Variants in PPFIA2 observed in about 807,000 individuals in gnomAD.
PPFIA2 encodes the protein liprin-alpha-2.
Under a neutral mutation model 175.5 loss-of-function variants are expected in PPFIA2, and 46 were observed. The observed-to-expected ratio is 0.26, with a 90% confidence interval of 0.21 to 0.34. The LOEUF (loss-of-function observed/expected upper bound fraction) is 0.34, where lower values mean the gene tolerates loss of function less well. PPFIA2 is among the 10% of genes least tolerant of loss of function. PPFIA2 has a pLI of 1.00. For missense variants in PPFIA2, 1,179 were observed against 1,506.1 expected, an observed-to-expected ratio of 0.78 and a Z score of 3.60; for synonymous variants, 568 against 511.4, an observed-to-expected ratio of 1.11 and a Z score of -1.49.
intron 15 of PPFIA2, among the ~76,000 whole-genome samples, chr12:81,360,828 T>C (rs2061481020): frequency 6.6e-6 from 1 of 151,768 alleles, no homozygotes; most frequent in Non-Finnish European, 1.5e-5. Flanking sequence ...TATAATACTT[T>C]ATACTTGTGA....
chr12:81,364,703 G>C (rs1463460103), intron 14 of PPFIA2, among the ~76,000 whole-genome samples: 1 of 151,872 alleles, frequency 6.6e-6, no homozygotes, highest in East Asian at 1.9e-4. Flanking sequence ...TTTGAGGCAA[G>C]AGAGTAATGG....
intron 4 of PPFIA2, among the ~76,000 whole-genome samples, chr12:81,591,029 C>G (rs1408866453): frequency 6.6e-6 from 1 of 152,084 alleles, no homozygotes; most frequent in Non-Finnish European, 1.5e-5. Context: ...TTGGAACTTC[C>G]TAGAGACTTA....
At chr12:81,446,978 A>T (rs1414831359) in intron 5 of PPFIA2, among the ~76,000 whole-genome samples, 1 of 152,058 alleles carries the variant, frequency 6.6e-6, no homozygotes, top group Non-Finnish European at 1.5e-5. Flanking sequence ...AACATGCATA[A>T]ATCAGTAGAT....
chr12:81,486,435 C>T (rs540617700), intron 4 of PPFIA2, among the ~76,000 whole-genome samples: 2 of 151,872 alleles, frequency 1.3e-5, no homozygotes, highest in Admixed American at 1.3e-4. Context: ...GATATTAACA[C>T]ATATAAAACA....
chr12:81,460,558 T>TA (rs1472787087), intron 4 of PPFIA2, among the ~76,000 whole-genome samples: 2 of 152,074 alleles, frequency 1.3e-5, no homozygotes, highest in African/African-American at 4.8e-5. Flanking sequence ...CAACAAGTGT[T>TA]AGACAAGTTT....
chr12:81,753,388 G>A (rs969373654), intron 3 of PPFIA2, among the ~76,000 whole-genome samples: 1 of 151,718 alleles, frequency 6.6e-6, no homozygotes, highest in Non-Finnish European at 1.5e-5. Flanking sequence ...TTAAGTTAGT[G>A]AGGCTTAACT....
intron 5 of PPFIA2, among the ~76,000 whole-genome samples, chr12:81,457,456 G>A (rs1293097263): frequency 6.6e-6 from 1 of 151,964 alleles, no homozygotes; most frequent in African/African-American, 2.4e-5. Flanking sequence ...ACAACCTTTT[G>A]AAAGTTTGAA....
At chr12:81,465,134 C>T (rs2055371225) in intron 4 of PPFIA2, 1 of 152,078 alleles carries the variant, frequency 6.6e-6, no homozygotes, top group Non-Finnish European at 1.5e-5. Context: ...ACAATGCATT[C>T]ATCTTGATTA....
Position 81,259,517 on chromosome 12 carries a change from A to G in PPFIA2, c.*177T>C. The G allele has an allele frequency of 1.1e-6, 1 of 918,460 alleles. No homozygotes were observed. The allele number at this position is 918,460 out of a possible 1,614,324, so 56.9% of individuals were successfully genotyped here. A position where few individuals can be genotyped will look rare whatever the true frequency, so the allele number is the denominator to read the frequency against. On this transcript the variant is annotated 3_prime_UTR_variant, in exon 33 of 33. Coordinates refer to ENST00000549396, the MANE Select transcript of PPFIA2 (RefSeq NM_003625.5). ...GTAAACTAATCAAATGTAATATCTG[A>G]CTCCCCCCAAAAATCACATTTTTCA...
rs1370707310 is a variant in PPFIA2 at position 81,487,039 on chromosome 12, G to T, written c.304-29173C>A. ...GCATATTTACATTTTGCAAAACACG[G>T]TGTGATTTCTGTCCTTAGAAAGTTT... On this transcript the variant is annotated intron_variant, in intron 4 of 32. Transcript: ENST00000549396. 5.9e-5 allele frequency among the ~76,000 whole-genome samples: 9 copies of T among 151,824 alleles called. No individual in the cohort carries two copies. In the South Asian group the frequency reaches 1.0e-3, roughly 18 times the overall value.
intron 27 of PPFIA2, among the ~76,000 whole-genome samples, chr12:81,277,772 A>G (rs1181834753): frequency 6.6e-6 from 1 of 152,156 alleles, no homozygotes; most frequent in Admixed American, 6.5e-5. Context: ...CCCATTATGG[A>G]GACAGTAAGG....
intron 4 of PPFIA2, among the ~76,000 whole-genome samples, chr12:81,521,622 C>A (rs901120578): frequency 2.7e-5 from 4 of 149,040 alleles, no homozygotes; most frequent in Non-Finnish European, 3.0e-5. Context: ...TCGAGACCAT[C>A]CTGGCTAACA....
Position 81,299,334 on chromosome 12 carries a change from C to G in PPFIA2, c.2691G>C (p.Gln897His). The stretch of plus-strand genomic sequence containing the variant: ...ATGCGACCACAGTTGGCCCATCCCA[C>G]TGGGCAAAAGGTAATCCCTTTCTCC... ...EARRKGLPFA[Q>H]WDGPTVVAWL... The change falls in exon 23 of 33, where the codon CAG (glutamine) becomes CAC (histidine). Residue 897 changes from glutamine (Q) to histidine (H), a missense_variant. Gln to His is a conservative substitution (Grantham distance 24). Around this residue, in one of 10 missense-constraint regions of PPFIA2, gnomAD observed 44 missense variants for 81.3 expected, o/e 0.54. Transcript: ENST00000549396. The G allele has an allele frequency of 1.3e-6, 2 of 1,597,310 alleles. No individual in the cohort carries two copies. The highest frequency in any genetic ancestry group is 1.1e-5 in the South Asian group (1 of 87,794).
At chr12:81,262,172 C>T in intron 31 of PPFIA2, 132 bp from the exon 32 acceptor site, 1 of 644,184 alleles carries the variant, frequency 1.6e-6, no homozygotes, top group Non-Finnish European at 2.8e-6. Context: ...CAGATATAAG[C>T]CACTCACATT....
chr12:81,310,414 T>C (rs776746819), intron 22 of PPFIA2, among the ~76,000 whole-genome samples: 1 of 152,128 alleles, frequency 6.6e-6, no homozygotes, highest in Non-Finnish European at 1.5e-5. Flanking sequence ...TCGAGGAGCA[T>C]GTGTAAGACA....
chr12:81,473,258 A>C lies in PPFIA2; in HGVS notation c.304-15392T>G, dbSNP rs138156489. Among the ~76,000 whole-genome samples, 1,516 of 152,164 alleles carry C rather than the reference A, an allele frequency of 1.0e-2. 16 individuals carry two copies. The highest frequency in any genetic ancestry group is 0.016 in the Non-Finnish European group (1,093 of 67,998). ...CCTTGTCTCTACCAAAAATACAAAAATTAGCTGGGCATGATGTGGGGGCGC... is the reference window on the plus strand; with the variant it reads ...CCTTGTCTCTACCAAAAATACAAAACTTAGCTGGGCATGATGTGGGGGCGC... On this transcript the variant is annotated intron_variant, in intron 4 of 32. Coordinates refer to ENST00000549396, the MANE Select transcript of PPFIA2 (RefSeq NM_003625.5).
chr12:81,734,521 T>C (rs1773680168), intron 3 of PPFIA2, among the ~76,000 whole-genome samples: 1 of 151,716 alleles, frequency 6.6e-6, no homozygotes, highest in Admixed American at 6.6e-5. Flanking sequence ...CAAATGTAAT[T>C]CTATGAATTA....
Position 81,376,958 on chromosome 12 carries a change from C to CTT in PPFIA2, c.985-1018_985-1017dup, listed in dbSNP as rs1002744178. 4.7e-5 allele frequency among the ~76,000 whole-genome samples: 7 copies of CTT among 148,380 alleles called. No homozygotes were observed. The East Asian group carries it at 1.2e-3, about 25-fold the overall frequency. On this transcript the variant is annotated intron_variant, in intron 9 of 32. Transcript: ENST00000549396. ...GACAGCCTTTCTTCCAATTTTCTTTCTTTTTTTTTTCAGATGATAACTCTA... is the reference window on the plus strand; with the variant it reads ...GACAGCCTTTCTTCCAATTTTCTTTCTTTTTTTTTTTTCAGATGATAACTCTA...
At chr12:81,642,827 T>C (rs866283658) in intron 4 of PPFIA2, among the ~76,000 whole-genome samples, 1 of 125,186 alleles carries the variant, frequency 8.0e-6, no homozygotes, top group African/African-American at 2.8e-5. Context: ...CATGTATATG[T>C]ATGTATGTAT....
Sources: gnomAD v4.1 joint callset for allele counts (sites outside exome capture counted in the v4.1 genomes callset) on GRCh38, gnomAD v4.1.1 for gene constraint, gnomAD v4.1.1 regional missense constraint, MANE v1.5 for transcripts, NCBI Gene and HGNC (gene_info 2026-07-23, HGNC 2026-07-21) for gene names.